The following PCDHAC2 variants were observed in gnomAD, a reference collection of about 807,000 sequenced individuals.
PCDHAC2 encodes protocadherin alpha subfamily C, 2, also known as protocadherin alpha-C2.
Under a neutral mutation model 63.3 loss-of-function variants are expected in PCDHAC2, and 24 were observed. That is an observed-to-expected ratio of 0.38 (90% confidence interval 0.27 to 0.53). The LOEUF (loss-of-function observed/expected upper bound fraction) is 0.53. Ranked by LOEUF, PCDHAC2 falls within the 20% of genes least tolerant of loss-of-function variation. The probability of loss-of-function intolerance (pLI) is 0.81; values close to 1 mark genes in which losing one functional copy is unlikely to be tolerated. For synonymous variants in PCDHAC2, 569 were observed against 529.4 expected, an observed-to-expected ratio of 1.07 and a Z score of -1.03; for missense variants, 1,181 against 1,275.2, an observed-to-expected ratio of 0.93 and a Z score of 1.12.
intron 1 of PCDHAC2, among the ~76,000 whole-genome samples, chr5:140,973,030 C>G (rs1274875201): frequency 1.3e-5 from 2 of 152,014 alleles, no homozygotes; most frequent in African/African-American, 4.8e-5. Context: ...TAATGAGTCA[C>G]TTTGAGTACT....
At chr5:140,982,207 C>T (rs868956427) in intron 2 of PCDHAC2, 8 of 429,564 alleles carry the variant, frequency 1.9e-5, no homozygotes, top group East Asian at 1.5e-4. Flanking sequence ...ATTTAGTGAG[C>T]GCCACATGGC....
intron 3 of PCDHAC2, among the ~76,000 whole-genome samples, chr5:141,007,801 G>T (rs559830556): frequency 2.6e-5 from 4 of 152,148 alleles, no homozygotes; most frequent in Non-Finnish European, 5.9e-5. Flanking sequence ...GCCTTTATCT[G>T]CCATTCATTT....
intron 3 of PCDHAC2, among the ~76,000 whole-genome samples, chr5:141,006,808 A>T (rs576819521): frequency 1.3e-5 from 2 of 152,322 alleles, no homozygotes; most frequent in East Asian, 3.9e-4. Flanking sequence ...TTCTGGCTTG[A>T]GAAATGGGGT....
In PCDHAC2 at chr5:140,967,890, C is replaced by G; in HGVS notation, c.1124C>G (p.Pro375Arg). ...VVLTDLYSPV[P>R]ENATPNTIVA... ...CTCACGGACCTGTATAGCCCAGTGCCTGAGAATGCTACACCCAACACCATT... is the reference window on the plus strand; with the variant it reads ...CTCACGGACCTGTATAGCCCAGTGCGTGAGAATGCTACACCCAACACCATT... The change falls in exon 1 of 4, where the codon CCT becomes CGT. Residue 375 changes from proline to arginine, a missense_variant. By Grantham distance (103) the Pro-to-Arg change is moderately radical. Coordinates refer to ENST00000289269, the MANE Select transcript of PCDHAC2 (RefSeq NM_018899.6). 6.2e-7 allele frequency: 1 copy of G among 1,614,176 alleles called. No individual in the cohort carries two copies. The highest frequency in any genetic ancestry group is 8.5e-7 in the Non-Finnish European group (1 of 1,180,028).
intron 3 of PCDHAC2, among the ~76,000 whole-genome samples, chr5:140,988,221 T>A (rs1554249982): frequency 6.6e-6 from 1 of 152,016 alleles, no homozygotes; most frequent in Non-Finnish European, 1.5e-5. Context: ...AAAAATGAGA[T>A]CAGGGATCTA....
Position 140,978,929 on chromosome 5 carries a change from C to T in PCDHAC2, c.2566-20C>T. 6.2e-7 allele frequency: 1 copy of T among 1,613,998 alleles called. No homozygotes were observed. Among genetic ancestry groups the T allele is most frequent in the Non-Finnish European group, 8.5e-7 (1 of 1,179,996 alleles). On this transcript the variant is annotated intron_variant, in intron 1 of 3. Coordinates refer to ENST00000289269, the MANE Select transcript of PCDHAC2 (RefSeq NM_018899.6). ...ATTGTCTTGTCATTTTAACAGAAAACTCTCTTTGTGATTTTGCAGCCACGA... is the reference window on the plus strand; with the variant it reads ...ATTGTCTTGTCATTTTAACAGAAAATTCTCTTTGTGATTTTGCAGCCACGA...
In PCDHAC2 at chr5:140,967,114, C is replaced by T. The variant is rs782407413; in HGVS notation, c.348C>T (p.Arg116=). 1.1e-5 allele frequency: 17 copies of T among 1,612,932 alleles called. No homozygotes were observed. Among genetic ancestry groups the T allele is most frequent in the Non-Finnish European group, 1.4e-5 (17 of 1,179,438 alleles). Residue 116 remains arginine (R), a synonymous_variant, in exon 1 of 4, where the codon CGC becomes CGT. Transcript: ENST00000289269. ...DREALCEQRP[R]CLLSLEVLAH... Reference sequence around the variant, plus strand: ...AGGCGCTGTGTGAGCAGCGGCCTCGCTGCCTGCTCAGCTTGGAAGTGCTGG... The same window carrying T: ...AGGCGCTGTGTGAGCAGCGGCCTCGTTGCCTGCTCAGCTTGGAAGTGCTGG...
chr5:140,974,636 C>T (rs1208653634), intron 1 of PCDHAC2, among the ~76,000 whole-genome samples: 2 of 152,054 alleles, frequency 1.3e-5, no homozygotes, highest in African/African-American at 4.8e-5. Flanking sequence ...CTCAACCTCC[C>T]GAGTAGCTGA....
chr5:140,969,250 C>T lies in PCDHAC2; in HGVS notation c.2484C>T (p.Asp828=), dbSNP rs1554231631. The T allele has an allele frequency of 6.2e-7, 1 of 1,614,216 alleles. No individual in the cohort carries two copies. The highest frequency in any genetic ancestry group is 1.7e-5 in the Admixed American group (1 of 60,032). The change falls in exon 1 of 4, where the codon GAC becomes GAT. Residue 828 remains aspartate, a synonymous_variant. Transcript: ENST00000289269. The stretch of plus-strand genomic sequence containing the variant: ...CGGGAGCCCAAGCAGCAGTGACTGA[C>T]AGCAGGAATCTCACAGGCCAAAGTG... ...GPSGAQAAVT[D]SRNLTGQSGQ...
At chr5:141,001,607 A>G (rs1554258244) in intron 3 of PCDHAC2, among the ~76,000 whole-genome samples, 1 of 152,078 alleles carries the variant, frequency 6.6e-6, no homozygotes, top group African/African-American at 2.4e-5. Flanking sequence ...AGGTTTGCCC[A>G]ATTCATAAAG....
At position 140,967,528 on chromosome 5, in the gene PCDHAC2, T is replaced by C; in HGVS notation, c.762T>C (p.Ser254=). The change falls in exon 1 of 4, where the codon TCT becomes TCC. Residue 254 remains serine (S), a synonymous_variant. Coordinates refer to ENST00000289269, the MANE Select transcript of PCDHAC2 (RefSeq NM_018899.6). The stretch of plus-strand genomic sequence containing the variant: ...GTGTCCTGGACACTAACGACAACTC[T>C]CCTGCCTTTGACCAGTCCACTTATC... ...SVRVLDTNDN[S]PAFDQSTYRV... The C allele has an allele frequency of 1.9e-6, 3 of 1,613,146 alleles. No homozygotes were observed. The highest frequency in any genetic ancestry group is 2.5e-6 in the Non-Finnish European group (3 of 1,179,324).
chr5:140,982,661 T>C, intron 3 of PCDHAC2, 98 bp downstream of exon 3: 1 of 1,482,624 alleles, frequency 6.7e-7, no homozygotes, highest in Admixed American at 2.6e-5. Flanking sequence ...TCTTTTTCTT[T>C]TATATTTTTG....
chr5:140,971,970 A>C (rs2096510217), intron 1 of PCDHAC2, among the ~76,000 whole-genome samples: 1 of 152,130 alleles, frequency 6.6e-6, no homozygotes, highest in Non-Finnish European at 1.5e-5. Flanking sequence ...TTTTTTCAAT[A>C]CTATGAGTAG....
intron 3 of PCDHAC2, among the ~76,000 whole-genome samples, chr5:140,997,728 A>G (rs1376007377): frequency 6.6e-6 from 1 of 152,030 alleles, no homozygotes; most frequent in Non-Finnish European, 1.5e-5. Flanking sequence ...ACGTCAGTAC[A>G]TATAGATTTG....
At chr5:140,980,237 A>C (rs1159780134) in intron 2 of PCDHAC2, among the ~76,000 whole-genome samples, 1 of 152,238 alleles carries the variant, frequency 6.6e-6, no homozygotes, top group Non-Finnish European at 1.5e-5. Context: ...GTTGGTGGAG[A>C]CATGCAATGG....
rs2096265469 is a variant in PCDHAC2 at position 140,968,715 on chromosome 5, A to T, written c.1949A>T (p.Asp650Val). The change falls in exon 1 of 4, where the codon GAT (aspartate) becomes GTT (valine). Residue 650 changes from aspartate (D) to valine (V), a missense_variant. Physicochemically the swap from Asp to Val is radical, Grantham distance 152. Around this residue, in one of 3 missense-constraint regions of PCDHAC2, gnomAD observed 968 missense variants for 1,073.5 expected, o/e 0.90. Coordinates refer to ENST00000289269, the MANE Select transcript of PCDHAC2 (RefSeq NM_018899.6). Reference sequence around the variant, plus strand: ...ATTAGGACTACCAGGAAGATGGGAGATGAGAGTGGTAGCACTTTCAACCTG... The same window carrying T: ...ATTAGGACTACCAGGAAGATGGGAGTTGAGAGTGGTAGCACTTTCAACCTG... ...GEIRTTRKMG[D>V]ESGSTFNLTV... 1 of 1,614,014 alleles carries T rather than the reference A, an allele frequency of 6.2e-7. No homozygotes were observed. Among genetic ancestry groups the T allele is most frequent in the South Asian group, 1.1e-5 (1 of 91,074 alleles).
At chr5:140,980,350 G>T (rs1382723470) in intron 2 of PCDHAC2, among the ~76,000 whole-genome samples, 1 of 152,128 alleles carries the variant, frequency 6.6e-6, no homozygotes, top group Admixed American at 6.5e-5. Context: ...TAACTTCCTG[G>T]ACTGGGCGCG....
rs1473723959 is a variant in PCDHAC2 at position 140,967,733 on chromosome 5, C to A, written c.967C>A (p.Leu323Met). The change falls in exon 1 of 4, where the codon CTG (leucine) becomes ATG (methionine). Residue 323 changes from leucine (L) to methionine (M), a missense_variant. Coordinates refer to ENST00000289269, the MANE Select transcript of PCDHAC2 (RefSeq NM_018899.6). ...STGEVRVIGG[L>M]DYEEASSYQI... Reference sequence around the variant, plus strand: ...CGGGGAAGTGCGAGTAATTGGGGGGCTGGATTATGAGGAAGCCTCCTCCTA... The same window carrying A: ...CGGGGAAGTGCGAGTAATTGGGGGGATGGATTATGAGGAAGCCTCCTCCTA... 6.2e-7 allele frequency: 1 copy of A among 1,614,024 alleles called. No individual in the cohort carries two copies. The highest frequency in any genetic ancestry group is 8.5e-7 in the Non-Finnish European group (1 of 1,180,026).
chr5:140,973,590 A>G (rs562109843), intron 1 of PCDHAC2, among the ~76,000 whole-genome samples: 3 of 152,340 alleles, frequency 2.0e-5, no homozygotes, highest in Non-Finnish European at 4.4e-5. Context: ...GCTGAGCCAG[A>G]TGGAATTATG....
Sources: gnomAD v4.1 joint callset for allele counts (sites outside exome capture counted in the v4.1 genomes callset) on GRCh38, gnomAD v4.1.1 for gene constraint, gnomAD v4.1.1 regional missense constraint, MANE v1.5 for transcripts, NCBI Gene and HGNC (gene_info 2026-07-23, HGNC 2026-07-21) for gene names.